Variants in SDC4 observed in about 807,000 individuals in gnomAD.
SDC4 encodes syndecan 4, also known as syndecan-4.
SDC4 carries 17 observed loss-of-function variants against 20.5 expected under a neutral mutation model. The observed-to-expected ratio is 0.83, with a 90% CI of 0.57 to 1.25. The LOEUF (loss-of-function observed/expected upper bound fraction) is 1.25. Among genes scored for constraint, SDC4 ranks in the 50% most tolerant of loss-of-function variants. The probability of loss-of-function intolerance (pLI) is 0.00; values close to 1 mark genes in which losing one functional copy is unlikely to be tolerated. For synonymous variants in SDC4, 107 were observed against 105.3 expected (o/e 1.02, Z -0.10); for missense variants, 241 against 252.3 (o/e 0.96, Z 0.30).
rs746939652 is a variant in SDC4, at chr20:45,348,240, C to CT, written c.60+84_60+85insA. On this transcript the variant is annotated intron_variant, in intron 1 of 4. Transcript: ENST00000372733. Reference sequence around the variant, plus strand: ...GGGTAGCGTACCCCCGATCTGCCCCCCCCCATCCCACGCTCCGACGAACAA... The same window carrying CT: ...GGGTAGCGTACCCCCGATCTGCCCCCTCCCCATCCCACGCTCCGACGAACAA... 2,603 of 1,192,042 alleles carry CT rather than the reference C, an allele frequency of 2.2e-3. 24 individuals carry two copies. The highest frequency in any genetic ancestry group is 2.5e-3 in the Non-Finnish European group (2,085 of 826,506). The allele number at this position is 1,192,042 out of a possible 1,614,324, so 73.8% of individuals were successfully genotyped here. A position where few individuals can be genotyped will look rare whatever the true frequency, so the allele number is the denominator to read the frequency against.
chr20:45,338,909 A>G (rs1206493839), intron 1 of SDC4, among the ~76,000 whole-genome samples: 1 of 152,250 alleles, frequency 6.6e-6, no homozygotes, highest in African/African-American at 2.4e-5. Context: ...AGATGAGCCC[A>G]GGATTTCCCT....
At chr20:45,347,613 G>A (rs1400862910) in intron 1 of SDC4, among the ~76,000 whole-genome samples, 2 of 152,156 alleles carry the variant, frequency 1.3e-5, no homozygotes, top group Non-Finnish European at 2.9e-5. Context: ...CTTGCAGAAA[G>A]CAGAGGCTCA....
chr20:45,332,936 G>T, intron 3 of SDC4, 87 bp downstream of exon 3: 3 of 1,268,948 alleles, frequency 2.4e-6, no homozygotes, highest in Non-Finnish European at 2.3e-6. Context: ...CACTTATTCT[G>T]CCTATGGGGG....
intron 2 of SDC4, among the ~76,000 whole-genome samples, chr20:45,333,734 C>T (rs755127757): frequency 4.6e-5 from 7 of 152,082 alleles, no homozygotes; most frequent in South Asian, 2.1e-4. Flanking sequence ...ATAATGGGCT[C>T]GTAACAATAT....
intron 1 of SDC4, among the ~76,000 whole-genome samples, chr20:45,340,882 C>T (rs573846583): frequency 2.0e-4 from 30 of 151,832 alleles, no homozygotes; most frequent in African/African-American, 6.8e-4. Flanking sequence ...TTCCCCACCC[C>T]ACCCACTTCT....
At chr20:45,335,262 C>A (rs1312754016) in intron 2 of SDC4, among the ~76,000 whole-genome samples, 1 of 152,080 alleles carries the variant, frequency 6.6e-6, no homozygotes, top group African/African-American at 2.4e-5. Flanking sequence ...ACTGCAGCCC[C>A]AACCTCCTAG....
intron 1 of SDC4, among the ~76,000 whole-genome samples, chr20:45,336,344 C>T (rs1186111442): frequency 1.3e-5 from 2 of 152,110 alleles, no homozygotes; most frequent in African/African-American, 2.4e-5. Flanking sequence ...ACCCGGGAGG[C>T]GGAGGTTGCA....
intron 2 of SDC4, among the ~76,000 whole-genome samples, chr20:45,335,280 G>A (rs1018483504): frequency 2.0e-5 from 3 of 151,786 alleles, no homozygotes; most frequent in Non-Finnish European, 1.5e-5. Flanking sequence ...TAGGCTCAAG[G>A]GATCGTCCCA....
chr20:45,340,972 A>G (rs1208231928), intron 1 of SDC4, among the ~76,000 whole-genome samples: 2 of 152,240 alleles, frequency 1.3e-5, no homozygotes, highest in African/African-American at 2.4e-5. Context: ...GTTGTGCATC[A>G]AGGCAGATTC....
intron 1 of SDC4, chr20:45,345,865 T>TG (rs1316897217): frequency 6.6e-6 from 1 of 152,200 alleles, no homozygotes; most frequent in Non-Finnish European, 1.5e-5. Flanking sequence ...AGAGGACAGC[T>TG]GGGTACTGAG....
rs746850379 is a variant in SDC4, at chr20:45,333,047, G to A, written c.222C>T (p.Ile74=). The change falls in exon 3 of 5, where the codon ATC becomes ATT. Residue 74 remains isoleucine, a synonymous_variant. Coordinates refer to ENST00000372733, the MANE Select transcript of SDC4 (RefSeq NM_002999.4). Reference sequence around the variant, plus strand: ...CCAAGGGATGGACAACTTCAGGGCCGATCATGGAGTCTTCCAAGTCATCTG... The same window carrying A: ...CCAAGGGATGGACAACTTCAGGGCCAATCATGGAGTCTTCCAAGTCATCTG... ...GDLDDLEDSM[I]GPEVVHPLVP... is the part of the protein sequence containing the mutation. 1.9e-5 allele frequency: 31 copies of A among 1,614,068 alleles called. No homozygotes were observed. The highest frequency in any genetic ancestry group is 3.3e-5 in the South Asian group (3 of 91,086).
intron 1 of SDC4, 83 bp downstream of exon 1, chr20:45,348,242 C>CA (rs1299934808): frequency 1.2e-5 from 14 of 1,217,002 alleles, no homozygotes; most frequent in Admixed American, 2.0e-5. Flanking sequence ...TCTGCCCCCC[C>CA]CCATCCCACG....
chr20:45,343,391 G>T (rs1249669419), intron 1 of SDC4, among the ~76,000 whole-genome samples: 1 of 151,846 alleles, frequency 6.6e-6, no homozygotes, highest in African/African-American at 2.4e-5. Context: ...TAGAAACTCT[G>T]CCCCTCCAGC....
chr20:45,345,275 C>G (rs183819172), intron 1 of SDC4: 3 of 152,262 alleles, frequency 2.0e-5, no homozygotes, highest in Admixed American at 2.0e-4. Flanking sequence ...TTAATTCCCT[C>G]AAGTTAATTC....
intron 1 of SDC4, among the ~76,000 whole-genome samples, chr20:45,346,378 C>G (rs536208575): frequency 3.3e-5 from 5 of 152,294 alleles, no homozygotes; most frequent in African/African-American, 1.2e-4. Flanking sequence ...TCTCAGGAAG[C>G]AGCTGCCCAG....
At chr20:45,337,392 G>C (rs1359218277) in intron 1 of SDC4, among the ~76,000 whole-genome samples, 1 of 152,150 alleles carries the variant, frequency 6.6e-6, no homozygotes, top group Non-Finnish European at 1.5e-5. Flanking sequence ...GCAGGAGCTG[G>C]GGGTCTGCTT....
At position 45,326,922 on chromosome 20, in the gene SDC4, C is replaced by T. The variant is rs915170324; in HGVS notation, c.*342G>A. 8 of 182,590 alleles carry T rather than the reference C, an allele frequency of 4.4e-5. No individual in the cohort carries two copies. Among genetic ancestry groups the T allele is most frequent in the African/African-American group, 1.9e-4 (8 of 42,774 alleles). 11.3% of individuals were successfully genotyped at this position (182,590 alleles called of 1,614,324 possible). A position where few individuals can be genotyped will look rare whatever the true frequency, so the allele number is the denominator to read the frequency against. On this transcript the variant is annotated 3_prime_UTR_variant, in exon 5 of 5. Coordinates refer to ENST00000372733, the MANE Select transcript of SDC4 (RefSeq NM_002999.4). Reference sequence around the variant, plus strand: ...GACTCCACACAACATCCGTTAGCCCCCTGGCTTCAGAGGAGCTCTGGATGA... The same window carrying T: ...GACTCCACACAACATCCGTTAGCCCTCTGGCTTCAGAGGAGCTCTGGATGA...
At chr20:45,344,068 C>T (rs967224283) in intron 1 of SDC4, among the ~76,000 whole-genome samples, 2 of 152,322 alleles carry the variant, frequency 1.3e-5, no homozygotes, top group Admixed American at 6.5e-5. Context: ...TCAGAAAATC[C>T]TGGGGTCACA....
At chr20:45,333,539 C>T (rs1441877541) in intron 2 of SDC4, among the ~76,000 whole-genome samples, 2 of 152,142 alleles carry the variant, frequency 1.3e-5, no homozygotes, top group South Asian at 2.1e-4. Flanking sequence ...GGTGATGGCA[C>T]GCGCCTGTAA....
Sources: allele counts gnomAD v4.1 joint callset (sites outside exome capture counted in the v4.1 genomes callset), GRCh38; gene constraint gnomAD v4.1.1; transcripts MANE v1.5; gene names NCBI Gene and HGNC (gene_info 2026-07-23, HGNC 2026-07-21).